The following ARHGAP15 variants were observed in gnomAD, a reference collection of about 807,000 sequenced individuals.
ARHGAP15 encodes rho GTPase-activating protein 15.
A neutral mutation model predicts 63.7 loss-of-function variants in ARHGAP15; 51 were observed. The observed-to-expected ratio is 0.80, with a 90% CI of 0.64 to 1.01. The LOEUF is 1.01. Ranked by LOEUF, ARHGAP15 falls within the 50% of genes least tolerant of loss-of-function variation. The pLI is 0.00. For synonymous variants in ARHGAP15, 191 were observed against 193.8 expected, an observed-to-expected ratio of 0.99 and a Z score of 0.12; for missense variants, 560 against 564.6, an observed-to-expected ratio of 0.99 and a Z score of 0.08.
At chr2:143,489,493 G>C (rs532474981) in intron 9 of ARHGAP15, among the ~76,000 whole-genome samples, 1 of 152,042 alleles carries the variant, frequency 6.6e-6, no homozygotes, top group Admixed American at 6.5e-5. Flanking sequence ...TCTTGGGCTT[G>C]TTTCAGTTTT....
chr2:143,419,566 A>G (rs559540875), intron 6 of ARHGAP15, among the ~76,000 whole-genome samples: 2 of 152,086 alleles, frequency 1.3e-5, no homozygotes, highest in African/African-American at 4.8e-5. Flanking sequence ...GAATAATGCC[A>G]TGGAAAAGCC....
chr2:143,388,166 C>T (rs946601534), intron 6 of ARHGAP15, among the ~76,000 whole-genome samples: 32 of 152,072 alleles, frequency 2.1e-4, no homozygotes, highest in Non-Finnish European at 1.2e-4. Context: ...AAATTATTCA[C>T]GTTATTTGTA....
intron 10 of ARHGAP15, among the ~76,000 whole-genome samples, chr2:143,536,080 T>C (rs1258526754): frequency 2.0e-5 from 3 of 152,236 alleles, no homozygotes; most frequent in Non-Finnish European, 4.4e-5. Context: ...TCATTACATT[T>C]TTCAGGAATA....
chr2:143,312,173 A>G (rs539962609), intron 6 of ARHGAP15, among the ~76,000 whole-genome samples: 12 of 152,282 alleles, frequency 7.9e-5, no homozygotes, highest in African/African-American at 2.9e-4. Flanking sequence ...AAAGGATTAC[A>G]GTATTTGGAT....
intron 10 of ARHGAP15, among the ~76,000 whole-genome samples, chr2:143,529,468 A>G (rs530447767): frequency 2.0e-4 from 30 of 152,182 alleles, no homozygotes; most frequent in African/African-American, 6.7e-4. Flanking sequence ...TCTTAAATAC[A>G]AATAAGATTG....
intron 1 of ARHGAP15, among the ~76,000 whole-genome samples, chr2:143,134,986 G>A (rs1162489774): frequency 6.6e-6 from 1 of 152,066 alleles, no homozygotes; most frequent in Admixed American, 6.6e-5. Flanking sequence ...GCTTAAAAGG[G>A]GGATAAAATA....
At chr2:143,303,989 C>T (rs1683044917) in intron 6 of ARHGAP15, among the ~76,000 whole-genome samples, 1 of 152,242 alleles carries the variant, frequency 6.6e-6, no homozygotes. Context: ...ACTAGAAACA[C>T]TTTTACACTG....
intron 6 of ARHGAP15, among the ~76,000 whole-genome samples, chr2:143,287,757 C>T (rs112783542): frequency 1.3e-5 from 2 of 151,854 alleles, no homozygotes; most frequent in Admixed American, 6.6e-5. Flanking sequence ...AAGCTGAGAT[C>T]GCGCCATTGC....
At chr2:143,494,541 G>A (rs192844773) in intron 9 of ARHGAP15, among the ~76,000 whole-genome samples, 112 of 152,242 alleles carry the variant, frequency 7.4e-4, no homozygotes, top group African/African-American at 2.5e-3. Context: ...TTGTTTTGGA[G>A]TCTTGTTTTT....
chr2:143,276,749 C>T (rs1558861239), intron 6 of ARHGAP15, among the ~76,000 whole-genome samples: 1 of 152,178 alleles, frequency 6.6e-6, no homozygotes, highest in East Asian at 1.9e-4. Context: ...CAGTGAGCAG[C>T]AGTGGCACCA....
Position 143,439,422 on chromosome 2 carries a change from C to CAAAAAAAAA in ARHGAP15, c.703+2398_703+2406dup, listed in dbSNP as rs529113949. Reference sequence around the variant, plus strand: ...TGGGCGACAGAGCAAGACTCTGTCTCAAAAAAAAAAAAAAAAAAAAAAAAA... The same window carrying CAAAAAAAAA: ...TGGGCGACAGAGCAAGACTCTGTCTCAAAAAAAAAAAAAAAAAAAAAAAAAAAAAAAAAA... On this transcript the variant is annotated intron_variant, in intron 8 of 13. Transcript: ENST00000295095. 9.1e-4 allele frequency among the ~76,000 whole-genome samples: 29 copies of CAAAAAAAAA among 31,750 alleles called. 4 individuals carry two copies. The highest frequency in any genetic ancestry group is 1.8e-3 in the African/African-American group (16 of 9,092). 20.8% of individuals were successfully genotyped at this position (31,750 alleles called of 152,430 possible).
Position 143,673,752 on chromosome 2 carries a change from G to GTATATATATATATA in ARHGAP15, c.1139-29666_1139-29665insATATATATATATAT, listed in dbSNP as rs1158257230. Among the ~76,000 whole-genome samples the GTATATATATATATA allele has an allele frequency of 1.7e-3, 55 of 32,934 alleles. 1 individual carries two copies. The highest frequency in any genetic ancestry group is 3.1e-3 in the African/African-American group (45 of 14,662). The allele number at this position is 32,934 out of a possible 152,430, so 21.6% of individuals were successfully genotyped here. A position where few individuals can be genotyped will look rare whatever the true frequency, so the allele number is the denominator to read the frequency against. The stretch of plus-strand genomic sequence containing the variant: ...TGTGTGTGTGTGTGTGTGTGTGTGT[G>GTATATATATATATA]TGTGTGTATATATATATATATATAT... On this transcript the variant is annotated intron_variant, in intron 12 of 13. Transcript: ENST00000295095.
chr2:143,585,564 C>T (rs948576117), intron 11 of ARHGAP15, among the ~76,000 whole-genome samples: 1 of 151,986 alleles, frequency 6.6e-6, no homozygotes, highest in African/African-American at 2.4e-5. Context: ...TTTAGTTCTA[C>T]TTGAATTTTA....
At chr2:143,265,221 A>T (rs1013186035) in intron 6 of ARHGAP15, among the ~76,000 whole-genome samples, 2 of 146,664 alleles carry the variant, frequency 1.4e-5, no homozygotes, top group Non-Finnish European at 3.0e-5. Flanking sequence ...TATATCTGTG[A>T]TTTTTTTTTT....
intron 1 of ARHGAP15, among the ~76,000 whole-genome samples, chr2:143,137,578 A>G (rs919618429): frequency 6.6e-6 from 1 of 152,098 alleles, no homozygotes; most frequent in African/African-American, 2.4e-5. Context: ...AATGGAACAA[A>G]TAACCCACCA....
intron 11 of ARHGAP15, among the ~76,000 whole-genome samples, chr2:143,614,478 G>T (rs557155591): frequency 6.6e-6 from 1 of 152,242 alleles, no homozygotes; most frequent in East Asian, 1.9e-4. Flanking sequence ...TAAGTGTTTT[G>T]AAAGAGAATG....
intron 6 of ARHGAP15, among the ~76,000 whole-genome samples, chr2:143,308,306 A>T (rs115389166): frequency 0.017 from 2,558 of 152,212 alleles, 36 homozygotes; most frequent in African/African-American, 0.036. Flanking sequence ...CATTAAGAGA[A>T]CCATAAGGGG....
chr2:143,153,803 C>T (rs954779117), intron 1 of ARHGAP15, among the ~76,000 whole-genome samples: 1 of 63,012 alleles, frequency 1.6e-5, no homozygotes, highest in African/African-American at 5.7e-5. Flanking sequence ...TCTTCTTCTT[C>T]TTCTTCTTCT....
At chr2:143,399,318 G>A (rs554556681) in intron 6 of ARHGAP15, among the ~76,000 whole-genome samples, 32 of 150,872 alleles carry the variant, frequency 2.1e-4, no homozygotes, top group African/African-American at 7.3e-4. Flanking sequence ...GGTACAAGCT[G>A]TAAGTAAACC....
Sources: allele counts gnomAD v4.1 joint callset (sites outside exome capture counted in the v4.1 genomes callset), GRCh38; gene constraint gnomAD v4.1.1; transcripts MANE v1.5; gene names NCBI Gene and HGNC (gene_info 2026-07-23, HGNC 2026-07-21).